The following SLC35D1 variants were observed in gnomAD, a reference collection of about 807,000 sequenced individuals.
SLC35D1 encodes the protein solute carrier family 35 member D1, also known as nucleotide sugar transporter SLC35D1.
A neutral mutation model predicts 46.7 loss-of-function variants in SLC35D1; 31 were observed. The ratio of observed to expected loss-of-function variants is 0.66; its 90% confidence interval spans 0.50 to 0.90. SLC35D1 has a LOEUF of 0.90. SLC35D1 is among the 40% of genes least tolerant of loss of function. The probability of loss-of-function intolerance (pLI) is 0.00; values close to 1 mark genes in which losing one functional copy is unlikely to be tolerated. For synonymous variants in SLC35D1, 195 were observed against 164.6 expected, an observed-to-expected ratio of 1.18 and a Z score of -1.41; for missense variants, 397 against 426.2, an observed-to-expected ratio of 0.93 and a Z score of 0.60.
In SLC35D1 at chr1:67,004,375, T is replaced by C; in HGVS notation, c.1033A>G (p.Asn345Asp). The C allele has an allele frequency of 1.9e-6, 3 of 1,614,060 alleles. No homozygotes were observed. The highest frequency in any genetic ancestry group is 2.5e-6 in the Non-Finnish European group (3 of 1,179,980). Residue 345 changes from asparagine (N) to aspartate (D), a missense_variant, in exon 12 of 12, where the codon AAC (asparagine) becomes GAC (aspartate). Coordinates refer to ENST00000235345, the MANE Select transcript of SLC35D1 (RefSeq NM_015139.3). Reference protein sequence around the residue: ...EQLSKQSEANNKLDIKGKGAV With the variant: ...EQLSKQSEANDKLDIKGKGAV ...CCTTTCCCCTTAATGTCCAGCTTGT[T>C]ATTAGCCTCTGACTGTTTGCTCAGC...
chr1:66,990,508 C>T, the SLC35D1 span, among the ~76,000 whole-genome samples: 1 of 152,012 alleles, frequency 6.6e-6, no homozygotes, highest in Non-Finnish European at 1.5e-5. Context: ...TTCAAGCAAT[C>T]CGCCTGCCCC....
chr1:67,016,819 GA>G (rs1667695267), intron 10 of SLC35D1, among the ~76,000 whole-genome samples: 1 of 151,934 alleles, frequency 6.6e-6, no homozygotes, highest in Non-Finnish European at 1.5e-5. Context: ...CCAATACTTT[GA>G]CTAAAATAAC....
rs74079173 is a variant in SLC35D1 at position 67,038,969 on chromosome 1, T to A, written c.729+3267A>T. On this transcript the variant is annotated intron_variant, in intron 8 of 11. Coordinates refer to ENST00000235345, the MANE Select transcript of SLC35D1 (RefSeq NM_015139.3). ...TCCTTTACATTCTTATGGTAATATATTTCGTTTTTTTCATCGTTGGCCTCC... is the reference window on the plus strand; with the variant it reads ...TCCTTTACATTCTTATGGTAATATAATTCGTTTTTTTCATCGTTGGCCTCC... Among the ~76,000 whole-genome samples, 794 of 152,224 alleles carry A rather than the reference T, an allele frequency of 5.2e-3. 13 individuals are homozygous for A. The highest frequency in any genetic ancestry group is 0.018 in the African/African-American group (760 of 41,516).
At chr1:67,042,888 A>G (rs1247536771) in intron 7 of SLC35D1, among the ~76,000 whole-genome samples, 1 of 152,068 alleles carries the variant, frequency 6.6e-6, no homozygotes, top group Non-Finnish European at 1.5e-5. Context: ...ACATGGTGAA[A>G]CACTGTCTCT....
At chr1:67,013,694 T>A (rs549932816) in intron 10 of SLC35D1, among the ~76,000 whole-genome samples, 2 of 152,288 alleles carry the variant, frequency 1.3e-5, no homozygotes, top group Non-Finnish European at 2.9e-5. Context: ...AAAGGTGCCA[T>A]CTACCTCTTA....
intron 8 of SLC35D1, among the ~76,000 whole-genome samples, chr1:67,027,574 T>A (rs1204030180): frequency 1.3e-5 from 2 of 152,128 alleles, no homozygotes; most frequent in Non-Finnish European, 2.9e-5. Context: ...TCATCCCAGC[T>A]ACTTTCTTAA....
At chr1:66,982,191 T>C in the SLC35D1 span, among the ~76,000 whole-genome samples, 2 of 152,218 alleles carry the variant, frequency 1.3e-5, no homozygotes, top group East Asian at 3.8e-4. Context: ...TCTTTTCCTG[T>C]CTTGTCTAGT....
intron 7 of SLC35D1, among the ~76,000 whole-genome samples, chr1:67,046,337 A>G (rs796939245): frequency 3.9e-4 from 60 of 152,338 alleles, no homozygotes; most frequent in African/African-American, 1.4e-3. Context: ...TAAGCTCCCA[A>G]AAAGGAACTT....
At chr1:67,018,381 C>G (rs1667728165) in intron 10 of SLC35D1, among the ~76,000 whole-genome samples, 1 of 152,116 alleles carries the variant, frequency 6.6e-6, no homozygotes, top group Non-Finnish European at 1.5e-5. Context: ...GAGAATCCAA[C>G]CCATGCTGCT....
the SLC35D1 span, among the ~76,000 whole-genome samples, chr1:66,973,846 T>C: frequency 2.0e-5 from 3 of 152,102 alleles, no homozygotes; most frequent in Non-Finnish European, 4.4e-5. Flanking sequence ...TGTAATTCCT[T>C]AAAGATAGCT....
At chr1:67,015,450 C>A (rs180868313) in intron 10 of SLC35D1, among the ~76,000 whole-genome samples, 1 of 151,942 alleles carries the variant, frequency 6.6e-6, no homozygotes, top group Non-Finnish European at 1.5e-5. Context: ...AGTGCAGTGG[C>A]GTGATCTCAG....
At chr1:67,017,728 T>A in intron 10 of SLC35D1, among the ~76,000 whole-genome samples, 1 of 152,196 alleles carries the variant, frequency 6.6e-6, no homozygotes, top group Non-Finnish European at 1.5e-5. Flanking sequence ...CAAAAACATC[T>A]CTTATTAAAG....
chr1:67,006,588 G>T (rs764822739), intron 11 of SLC35D1, among the ~76,000 whole-genome samples: 5 of 152,128 alleles, frequency 3.3e-5, no homozygotes, highest in Non-Finnish European at 7.3e-5. Context: ...GAATACTGGG[G>T]AAGCACAGGA....
At chr1:67,044,392 G>A (rs981420837) in intron 7 of SLC35D1, among the ~76,000 whole-genome samples, 1 of 150,262 alleles carries the variant, frequency 6.7e-6, no homozygotes, top group African/African-American at 2.4e-5. Context: ...ACTATAACTA[G>A]CTATACAATG....
the SLC35D1 span, among the ~76,000 whole-genome samples, chr1:66,977,985 T>A: frequency 6.6e-6 from 1 of 151,834 alleles, no homozygotes. Context: ...GATCACAAGG[T>A]CAGGAGTTTG....
intron 8 of SLC35D1, among the ~76,000 whole-genome samples, chr1:67,026,430 T>C (rs939162606): frequency 6.6e-6 from 1 of 152,176 alleles, no homozygotes; most frequent in East Asian, 1.9e-4. Flanking sequence ...CCCCTTGTAA[T>C]GTTTTTGTCA....
intron 10 of SLC35D1, among the ~76,000 whole-genome samples, chr1:67,013,157 G>GATATATATATATATATATATATAT (rs964691631): frequency 0.02 from 582 of 29,464 alleles, 39 homozygotes; most frequent in Middle Eastern, 0.056. Context: ...ATATCCTGGA[G>GATATATATATATATATATATATAT]ATATATATAT....
At position 67,042,320 on chromosome 1, in the gene SLC35D1, T is replaced by C. The variant is rs1645197806; in HGVS notation, c.645A>G (p.Gly215=). The C allele has an allele frequency of 3.1e-6, 5 of 1,614,110 alleles. No homozygotes were observed. The highest frequency in any genetic ancestry group is 4.2e-6 in the Non-Finnish European group (5 of 1,179,976). Residue 215 remains glycine, a synonymous_variant, in exon 8 of 12, where the codon GGA becomes GGG. Coordinates refer to ENST00000235345, the MANE Select transcript of SLC35D1 (RefSeq NM_015139.3). ...VKQKLDSKEL[G]KYGLLYYNAL... is the part of the protein sequence containing the mutation. ...CATTGTAATAGAGCAGTCCATATTT[T>C]CCCAGCTCCTAGGACAGTAAATAAT...
At chr1:66,993,689 C>T in the SLC35D1 span, among the ~76,000 whole-genome samples, 1 of 152,060 alleles carries the variant, frequency 6.6e-6, no homozygotes, top group Non-Finnish European at 1.5e-5. Flanking sequence ...ATGAAACTTT[C>T]CCATGCTTGT....
Sources: gnomAD v4.1 joint callset for allele counts (sites outside exome capture counted in the v4.1 genomes callset) on GRCh38, gnomAD v4.1.1 for gene constraint, MANE v1.5 for transcripts, NCBI Gene and HGNC (gene_info 2026-07-23, HGNC 2026-07-21) for gene names.